CTNNA3: variants seen among roughly 807,000 people sequenced by gnomAD.
CTNNA3 encodes catenin alpha-3.
In CTNNA3, 76 loss-of-function variants were observed where a neutral mutation model predicts 95.7. The observed-to-expected ratio is 0.79, with a 90% CI of 0.66 to 0.96. The LOEUF (loss-of-function observed/expected upper bound fraction) is 0.96. Among genes scored for constraint, CTNNA3 ranks in the 40% least tolerant of loss-of-function variants. The pLI is 0.00. For missense variants in CTNNA3, 1,191 were observed against 1,089.8 expected, an observed-to-expected ratio of 1.09 and a Z score of -1.31; for synonymous variants, 431 against 374.4, an observed-to-expected ratio of 1.15 and a Z score of -1.74.
At chr10:66,398,199 G>A (rs1032719050) in intron 11 of CTNNA3, among the ~76,000 whole-genome samples, 1 of 151,714 alleles carries the variant, frequency 6.6e-6, no homozygotes, top group African/African-American at 2.4e-5. Context: ...AGTACAATTC[G>A]TGGCCTTTGT....
chr10:66,386,696 A>G (rs540547701), intron 11 of CTNNA3, among the ~76,000 whole-genome samples: 48 of 152,306 alleles, frequency 3.2e-4, no homozygotes, highest in Non-Finnish European at 5.7e-4. Context: ...ACTTCAAACT[A>G]TACTACAAGG....
chr10:66,839,299 T>C (rs1814768896), intron 7 of CTNNA3, among the ~76,000 whole-genome samples: 1 of 152,034 alleles, frequency 6.6e-6, no homozygotes, highest in Non-Finnish European at 1.5e-5. Context: ...ATACTGGTGA[T>C]TGGAAAGGAG....
At chr10:66,201,833 G>A (rs1162000313) in intron 13 of CTNNA3, among the ~76,000 whole-genome samples, 1 of 128,016 alleles carries the variant, frequency 7.8e-6, no homozygotes, top group African/African-American at 2.9e-5. Flanking sequence ...TTGTTGCCCA[G>A]GCTAGAGTGC....
intron 11 of CTNNA3, among the ~76,000 whole-genome samples, chr10:66,381,328 T>C (rs1442027517): frequency 2.0e-5 from 3 of 152,166 alleles, no homozygotes; most frequent in Non-Finnish European, 4.4e-5. Context: ...ACCTCCTCAT[T>C]CTCTACAACA....
rs560235407 is a variant in CTNNA3 at position 66,320,863 on chromosome 10, A to G, written c.1733-40242T>C. Among the ~76,000 whole-genome samples, 3 of 152,280 alleles carry G rather than the reference A, an allele frequency of 2.0e-5. No homozygotes were observed. The South Asian group carries it at 6.2e-4, about 32-fold the overall frequency. On this transcript the variant is annotated intron_variant, in intron 12 of 17. Coordinates refer to ENST00000433211, the MANE Select transcript of CTNNA3 (RefSeq NM_013266.4). Reference sequence around the variant, plus strand: ...GAAGCTTTTCATTTAGACTTTTGTTAAAGTGGCTGAGAAAATATTCTTTTG... The same window carrying G: ...GAAGCTTTTCATTTAGACTTTTGTTGAAGTGGCTGAGAAAATATTCTTTTG...
At chr10:66,790,596 C>T (rs1043432280) in intron 7 of CTNNA3, among the ~76,000 whole-genome samples, 11 of 152,058 alleles carry the variant, frequency 7.2e-5, no homozygotes, top group Admixed American at 3.9e-4. Context: ...TGTGCCAAGG[C>T]CTGGACTAAG....
chr10:65,928,196 T>C (rs2077196658), intron 17 of CTNNA3, among the ~76,000 whole-genome samples: 1 of 152,204 alleles, frequency 6.6e-6, no homozygotes, highest in African/African-American at 2.4e-5. Flanking sequence ...TAATGTGCAG[T>C]ACATTTTTTT....
intron 13 of CTNNA3, among the ~76,000 whole-genome samples, chr10:66,205,426 C>A (rs774071255): frequency 3.3e-5 from 5 of 151,850 alleles, no homozygotes; most frequent in Non-Finnish European, 5.9e-5. Context: ...TTATACACAC[C>A]ACTATTTTGA....
chr10:66,333,925 T>C lies in CTNNA3; in HGVS notation c.1732+45227A>G, dbSNP rs1435376267. Among the ~76,000 whole-genome samples, 4 of 152,036 alleles carry C rather than the reference T, an allele frequency of 2.6e-5. No individual in the cohort carries two copies. In the East Asian group the frequency reaches 7.7e-4, roughly 29 times the overall value. ...AATCTGGGTGCTCCTGTATGTGGTGTATATATATTTAGGATAGTTAGCTCT... is the reference window on the plus strand; with the variant it reads ...AATCTGGGTGCTCCTGTATGTGGTGCATATATATTTAGGATAGTTAGCTCT... On this transcript the variant is annotated intron_variant, in intron 12 of 17. Transcript: ENST00000433211.
intron 7 of CTNNA3, among the ~76,000 whole-genome samples, chr10:67,025,806 C>A (rs2133090373): frequency 6.6e-6 from 1 of 151,940 alleles, no homozygotes; most frequent in Non-Finnish European, 1.5e-5. Flanking sequence ...GACACATGCA[C>A]ACGTATGATT....
intron 6 of CTNNA3, among the ~76,000 whole-genome samples, chr10:67,185,444 A>G (rs550331752): frequency 2.0e-5 from 3 of 151,814 alleles, no homozygotes; most frequent in South Asian, 4.2e-4. Flanking sequence ...CTTTTTTTCT[A>G]TGCCTCTATT....
chr10:66,994,069 C>T (rs2132946894), intron 7 of CTNNA3, among the ~76,000 whole-genome samples: 1 of 152,202 alleles, frequency 6.6e-6, no homozygotes, highest in East Asian at 1.9e-4. Flanking sequence ...TTAATCATGC[C>T]AGGTCAAACT....
chr10:65,985,396 T>A (rs2078407474), intron 16 of CTNNA3, among the ~76,000 whole-genome samples: 3 of 151,336 alleles, frequency 2.0e-5, no homozygotes, highest in Non-Finnish European at 3.0e-5. Flanking sequence ...AGCAACAGAT[T>A]TTTCAGTTAA....
intron 7 of CTNNA3, among the ~76,000 whole-genome samples, chr10:67,006,551 C>T (rs911883208): frequency 1.3e-5 from 2 of 151,918 alleles, no homozygotes; most frequent in Non-Finnish European, 2.9e-5. Flanking sequence ...TCTCTTATAA[C>T]TTCAACCTCT....
chr10:66,524,554 T>A (rs1196273380), intron 10 of CTNNA3, among the ~76,000 whole-genome samples: 1 of 152,130 alleles, frequency 6.6e-6, no homozygotes, highest in Non-Finnish European at 1.5e-5. Context: ...GTTGTGTTAA[T>A]CAATCTTGAA....
At position 67,519,327 on chromosome 10, in the gene CTNNA3, T is replaced by C. The variant is rs568628239; in HGVS notation, c.579+2515A>G. Reference sequence around the variant, plus strand: ...CAATAAAATAATTATAGTCAATTCATTGGACATCCATAATTCAGAGTTAAC... The same window carrying C: ...CAATAAAATAATTATAGTCAATTCACTGGACATCCATAATTCAGAGTTAAC... On this transcript the variant is annotated intron_variant, in intron 5 of 17. Coordinates refer to ENST00000433211, the MANE Select transcript of CTNNA3 (RefSeq NM_013266.4). Among the ~76,000 whole-genome samples the C allele has an allele frequency of 4.6e-5, 7 of 152,250 alleles. No homozygotes were observed. In the East Asian group the frequency reaches 1.4e-3, roughly 29 times the overall value.
At chr10:67,620,928 T>TATATATATATATATAG (rs1843820137) in intron 2 of CTNNA3, among the ~76,000 whole-genome samples, 1 of 99,660 alleles carries the variant, frequency 1.0e-5, no homozygotes, top group Non-Finnish European at 1.7e-5. Flanking sequence ...TGTGTGTATA[T>TATATATATATATATAG]ATATATATAT....
At chr10:66,129,393 A>G (rs983969500) in intron 13 of CTNNA3, among the ~76,000 whole-genome samples, 5 of 152,218 alleles carry the variant, frequency 3.3e-5, no homozygotes, top group African/African-American at 1.2e-4. Flanking sequence ...TTGCCAGGGA[A>G]AGCTGCTTAG....
chr10:67,697,750 T>G (rs202200423), upstream of CTNNA3, among the ~76,000 whole-genome samples: 18 of 90,596 alleles, frequency 2.0e-4, no homozygotes, highest in East Asian at 8.3e-4. Context: ...TTATAGTGGG[T>G]TTTTTTTTAA....
Sources: allele counts gnomAD v4.1 joint callset (sites outside exome capture counted in the v4.1 genomes callset), GRCh38; gene constraint gnomAD v4.1.1; transcripts MANE v1.5; gene names NCBI Gene and HGNC (gene_info 2026-07-23, HGNC 2026-07-21).